Variants in LRRC7 observed in about 807,000 individuals in gnomAD.
The protein encoded by LRRC7 is leucine rich repeat containing 7.
LRRC7 carries 23 observed loss-of-function variants against 175.7 expected under a neutral mutation model. The ratio of observed to expected loss-of-function variants is 0.13; its 90% CI spans 0.09 to 0.19. The LOEUF is 0.19. Among genes scored for constraint, LRRC7 ranks in the 10% least tolerant of loss-of-function variants. LRRC7 has a pLI of 1.00. For missense variants in LRRC7, 1,354 were observed against 1,904.7 expected (o/e 0.71, Z 5.38); for synonymous variants, 685 against 680.9 (o/e 1.01, Z -0.09).
intron 7 of LRRC7, among the ~76,000 whole-genome samples, chr1:69,875,688 A>G (rs1306361858): frequency 6.6e-6 from 1 of 152,064 alleles, no homozygotes; most frequent in Non-Finnish European, 1.5e-5. Flanking sequence ...GACGTTTCAT[A>G]TATTTTCAGC....
intron 7 of LRRC7, among the ~76,000 whole-genome samples, chr1:69,843,161 C>T (rs1184059258): frequency 6.6e-6 from 1 of 151,896 alleles, no homozygotes; most frequent in Non-Finnish European, 1.5e-5. Context: ...CACTGAACTC[C>T]AGCCTGAGCA....
At chr1:69,661,998 T>C (rs1368447685) in intron 1 of LRRC7, among the ~76,000 whole-genome samples, 2 of 152,144 alleles carry the variant, frequency 1.3e-5, no homozygotes, top group African/African-American at 4.8e-5. Context: ...GAAGGTGCAA[T>C]AATCTGAACA....
In LRRC7 at chr1:69,568,536, C is replaced by T. The variant is rs1646414722; in HGVS notation, c.-104C>T. 1.7e-6 allele frequency: 2 copies of T among 1,145,138 alleles called. No individual in the cohort carries two copies. The highest frequency in any genetic ancestry group is 2.7e-5 in the South Asian group (2 of 75,378). The allele number at this position is 1,145,138 out of a possible 1,614,324, so 70.9% of individuals were successfully genotyped here. On this transcript the variant is annotated 5_prime_UTR_variant, in exon 1 of 27. Coordinates refer to ENST00000651989, the MANE Select transcript of LRRC7 (RefSeq NM_001370785.2). ...TCCCTCCTCTTCTCCTCCGAAGACCCTGGCGCCCACTCCACTGCGGACCCC... is the reference window on the plus strand; with the variant it reads ...TCCCTCCTCTTCTCCTCCGAAGACCTTGGCGCCCACTCCACTGCGGACCCC...
chr1:69,874,150 G>C (rs1198618188), intron 7 of LRRC7: 1 of 151,988 alleles, frequency 6.6e-6, no homozygotes, highest in Non-Finnish European at 1.5e-5. Flanking sequence ...AATTTAATGT[G>C]GAACAGTTAT....
chr1:69,864,213 G>T (rs1684665379), intron 7 of LRRC7, among the ~76,000 whole-genome samples: 1 of 152,072 alleles, frequency 6.6e-6, no homozygotes, highest in African/African-American at 2.4e-5. Flanking sequence ...TTATTTATTT[G>T]CTTGTTTCCC....
Position 69,928,439 on chromosome 1 carries a change from T to G in LRRC7, c.648-3068T>G, listed in dbSNP as rs192109624. On this transcript the variant is annotated intron_variant, in intron 7 of 26. Transcript: ENST00000651989. ...AGCCTACAGAGGCAGGCACGCCTCC[T>G]TGAGCTGTGGTGGGCTCCACTCAGT... is the stretch of plus-strand genomic sequence containing the variant. Among the ~76,000 whole-genome samples the G allele has an allele frequency of 9.2e-3, 1,401 of 152,342 alleles. 23 individuals carry two copies. The highest frequency in any genetic ancestry group is 0.031 in the African/African-American group (1,301 of 41,594).
At chr1:69,705,558 G>A (rs1035574216) in intron 2 of LRRC7, among the ~76,000 whole-genome samples, 1 of 152,074 alleles carries the variant, frequency 6.6e-6, no homozygotes, top group Non-Finnish European at 1.5e-5. Flanking sequence ...ACAAAGAAAA[G>A]GTTTAGAGTT....
chr1:69,723,239 C>T (rs1666568366), intron 2 of LRRC7, among the ~76,000 whole-genome samples: 1 of 151,982 alleles, frequency 6.6e-6, no homozygotes, highest in Non-Finnish European at 1.5e-5. Context: ...TTCACTTTTA[C>T]AATTAGGGAA....
At chr1:70,007,138 A>T (rs1307275148) in intron 11 of LRRC7, among the ~76,000 whole-genome samples, 1 of 152,152 alleles carries the variant, frequency 6.6e-6, no homozygotes, top group East Asian at 1.9e-4. Context: ...GTGAGACCGA[A>T]ACTTCCAGCC....
intron 1 of LRRC7, among the ~76,000 whole-genome samples, chr1:69,637,693 C>A (rs1291424170): frequency 6.6e-6 from 1 of 151,846 alleles, no homozygotes; most frequent in African/African-American, 2.4e-5. Flanking sequence ...AGCATCTATT[C>A]TGTTAAATAG....
At chr1:69,586,338 C>G (rs1440604016) in intron 1 of LRRC7, among the ~76,000 whole-genome samples, 2 of 151,896 alleles carry the variant, frequency 1.3e-5, no homozygotes, top group African/African-American at 4.8e-5. Context: ...TTAGAAGATC[C>G]CCAATAGTTT....
In LRRC7 at chr1:69,838,292, C is replaced by T. The variant is rs542755409; in HGVS notation, c.647+9C>T. 18 of 1,598,606 alleles carry T rather than the reference C, an allele frequency of 1.1e-5. No homozygotes were observed. In the African/African-American group the frequency reaches 2.1e-4, roughly 19 times the overall value. ...TTGAAAACTCTACCAAAGTAAGTGA[C>T]TGTGTATTTTCTGAATTTTGAACTG... On this transcript the variant is annotated intron_variant, in intron 7 of 26. Transcript: ENST00000651989.
At position 70,043,869 on chromosome 1, in the gene LRRC7, T is replaced by G. The variant is rs1452173862; in HGVS notation, c.3970-85T>G. On this transcript the variant is annotated intron_variant, in intron 21 of 26. Coordinates refer to ENST00000651989, the MANE Select transcript of LRRC7 (RefSeq NM_001370785.2). ...CTGTTTGCCTGCCTAAAGTTAAATG[T>G]TATAAATTTAAACATGTTCATGTAA... 34 of 1,464,076 alleles carry G rather than the reference T, an allele frequency of 2.3e-5. No individual in the cohort carries two copies. The East Asian group carries it at 7.6e-4, about 33-fold the overall frequency. 90.7% of individuals were successfully genotyped at this position (1,464,076 alleles called of 1,614,324 possible).
chr1:69,580,415 A>T (rs1164042921), intron 1 of LRRC7, among the ~76,000 whole-genome samples: 1 of 152,188 alleles, frequency 6.6e-6, no homozygotes, highest in Non-Finnish European at 1.5e-5. Flanking sequence ...AAAATTTTAT[A>T]AGTCTTAAGC....
intron 1 of LRRC7, among the ~76,000 whole-genome samples, chr1:69,676,598 T>A (rs1570308741): frequency 1.3e-5 from 2 of 152,176 alleles, no homozygotes; most frequent in South Asian, 2.1e-4. Flanking sequence ...CCAAGTTGTG[T>A]TTGATTAATT....
At position 69,997,877 on chromosome 1, in the gene LRRC7, C is replaced by A. The variant is rs193129234; in HGVS notation, c.1004+3244C>A. Among the ~76,000 whole-genome samples, 4 of 152,268 alleles carry A rather than the reference C, an allele frequency of 2.6e-5. No homozygotes were observed. In the East Asian group the frequency reaches 7.7e-4, roughly 29 times the overall value. ...CTAAAATTCTCTTTTGTGGTTGTAT[C>A]TCTGCCCGGCTTTGGTATCAGGATG... On this transcript the variant is annotated intron_variant, in intron 11 of 26. Transcript: ENST00000651989.
At chr1:69,750,165 A>C (rs1423678403) in intron 2 of LRRC7, among the ~76,000 whole-genome samples, 3 of 151,976 alleles carry the variant, frequency 2.0e-5, no homozygotes, top group Non-Finnish European at 2.9e-5. Context: ...GCACCCTTTC[A>C]TAAAGTGGGT....
intron 8 of LRRC7, among the ~76,000 whole-genome samples, chr1:69,964,503 CTT>C (rs1173109959): frequency 6.6e-6 from 1 of 152,166 alleles, no homozygotes; most frequent in Non-Finnish European, 1.5e-5. Flanking sequence ...CATAAAAACA[CTT>C]AGAAAAGTGC....
Position 69,611,070 on chromosome 1 carries a change from C to T in LRRC7, c.2+42429C>T, listed in dbSNP as rs1029276636. 2.0e-5 allele frequency among the ~76,000 whole-genome samples: 3 copies of T among 152,030 alleles called. No individual in the cohort carries two copies. In the East Asian group the frequency reaches 5.8e-4, roughly 29 times the overall value. The stretch of plus-strand genomic sequence containing the variant: ...AGTAAACACATTGTGTTTTCATTCT[C>T]AAAACACTTTTGTCAACAGCTCTTT... On this transcript the variant is annotated intron_variant, in intron 1 of 26. Transcript: ENST00000651989.
Sources: allele counts gnomAD v4.1 joint callset (sites outside exome capture counted in the v4.1 genomes callset), GRCh38; gene constraint gnomAD v4.1.1; transcripts MANE v1.5; gene names NCBI Gene and HGNC (gene_info 2026-07-23, HGNC 2026-07-21).